PRDM11: variants seen among roughly 807,000 people sequenced by gnomAD.
PRDM11 encodes PR/SET domain 11.
A neutral mutation model predicts 97.8 loss-of-function variants in PRDM11; 20 were observed. The ratio of observed to expected loss-of-function variants is 0.20; its 90% CI spans 0.14 to 0.30. The LOEUF (loss-of-function observed/expected upper bound fraction) is 0.30. PRDM11 is among the 10% of genes least tolerant of loss of function. The pLI, the probability that PRDM11 is intolerant of heterozygous loss-of-function variation, is 1.00. For synonymous variants in PRDM11, 599 were observed against 637.7 expected (o/e 0.94, Z 0.91); for missense variants, 1,139 against 1,555.2 (o/e 0.73, Z 4.50).
chr11:45,218,599 A>G (rs1034641172), intron 5 of PRDM11, among the ~76,000 whole-genome samples: 1 of 152,198 alleles, frequency 6.6e-6, no homozygotes, highest in Non-Finnish European at 1.5e-5. Flanking sequence ...CAAATTTCCT[A>G]GGTGCTTGTG....
chr11:45,159,383 G>C (rs962523447), intron 1 of PRDM11, among the ~76,000 whole-genome samples: 1 of 152,234 alleles, frequency 6.6e-6, no homozygotes, highest in Admixed American at 6.5e-5. Flanking sequence ...TCTGAGGCGT[G>C]GGTGGGCCTC....
chr11:45,163,491 G>GC (rs1230681205), intron 1 of PRDM11, among the ~76,000 whole-genome samples: 3 of 151,754 alleles, frequency 2.0e-5, no homozygotes, highest in Non-Finnish European at 2.9e-5. Flanking sequence ...TTGAGGATGG[G>GC]GGGGGGTACC....
upstream of PRDM11, among the ~76,000 whole-genome samples, chr11:45,146,477 G>A (rs2096374128): frequency 6.6e-6 from 1 of 151,960 alleles, no homozygotes; most frequent in South Asian, 2.1e-4. Flanking sequence ...CTCCCTTTGG[G>A]TTTGGAGAGC....
intron 1 of PRDM11, among the ~76,000 whole-genome samples, chr11:45,105,101 G>T (rs1161312668): frequency 6.6e-6 from 1 of 152,190 alleles, no homozygotes; most frequent in Non-Finnish European, 1.5e-5. Context: ...TTGGTGTCTG[G>T]TGAAGACCCA....
chr11:45,163,293 T>G (rs1228964330), intron 1 of PRDM11, among the ~76,000 whole-genome samples: 1 of 152,246 alleles, frequency 6.6e-6, no homozygotes, highest in East Asian at 1.9e-4. Flanking sequence ...TACTGGGTGA[T>G]TTAAATGCAC....
chr11:45,216,799 A>T (rs1853969009), intron 5 of PRDM11, among the ~76,000 whole-genome samples: 1 of 152,252 alleles, frequency 6.6e-6, no homozygotes, highest in Non-Finnish European at 1.5e-5. Context: ...AAAGACCAGA[A>T]GATGGAAAGT....
rs953782475 is a variant in PRDM11 at position 45,165,539 on chromosome 11, C to T, written c.-6-16222C>T. 3.3e-5 allele frequency among the ~76,000 whole-genome samples: 5 copies of T among 152,342 alleles called. No homozygotes were observed. In the South Asian group the frequency reaches 1.0e-3, roughly 32 times the overall value. On this transcript the variant is annotated intron_variant, in intron 1 of 7. Coordinates refer to ENST00000683152, the MANE Select transcript of PRDM11 (RefSeq NM_001384648.1). ...AGATGCCCAGCCCAGGCGGGGGGCA[C>T]ATGTGAATGACACAGGCTGACTGGA... is the stretch of plus-strand genomic sequence containing the variant.
At chr11:45,123,151 G>A (rs1174933363) in intron 1 of PRDM11, among the ~76,000 whole-genome samples, 2 of 152,144 alleles carry the variant, frequency 1.3e-5, no homozygotes, top group Non-Finnish European at 2.9e-5. Context: ...CTTTTGAGAA[G>A]TGTCTGTTCA....
chr11:45,147,173 T>G (rs1453856354), intron 1 of PRDM11, among the ~76,000 whole-genome samples: 2 of 151,742 alleles, frequency 1.3e-5, no homozygotes, highest in African/African-American at 4.8e-5. Flanking sequence ...GCTCCTCGCC[T>G]TGTTACAATG....
intron 1 of PRDM11, among the ~76,000 whole-genome samples, chr11:45,158,316 TG>T (rs148168918): frequency 3.0e-4 from 45 of 152,284 alleles, no homozygotes; most frequent in African/African-American, 1.1e-3. Context: ...CTCTCCTGCC[TG>T]CCCCACCTCC....
intron 1 of PRDM11, among the ~76,000 whole-genome samples, chr11:45,122,143 A>G (rs1852443501): frequency 6.6e-6 from 1 of 151,742 alleles, no homozygotes; most frequent in African/African-American, 2.4e-5. Context: ...GCCTTTAAAT[A>G]AGTAAATAAA....
chr11:45,188,610 G>A (rs1852796771), intron 4 of PRDM11, among the ~76,000 whole-genome samples: 1 of 152,240 alleles, frequency 6.6e-6, no homozygotes, highest in Non-Finnish European at 1.5e-5. Context: ...GGTCATAATG[G>A]ACCGAATGGC....
intron 1 of PRDM11, among the ~76,000 whole-genome samples, chr11:45,103,957 A>G (rs1315018332): frequency 1.3e-5 from 2 of 152,112 alleles, no homozygotes; most frequent in Non-Finnish European, 2.9e-5. Flanking sequence ...GCACTTTCAA[A>G]TATAGCTGTG....
chr11:45,174,666 AG>A (rs1852285563), intron 1 of PRDM11, among the ~76,000 whole-genome samples: 1 of 152,350 alleles, frequency 6.6e-6, no homozygotes, highest in South Asian at 2.1e-4. Flanking sequence ...TCTAATGACA[AG>A]TGGGTAAAGG....
At chr11:45,100,635 A>G (rs1235068811) in intron 1 of PRDM11, among the ~76,000 whole-genome samples, 2 of 152,198 alleles carry the variant, frequency 1.3e-5, no homozygotes, top group African/African-American at 2.4e-5. Context: ...GTATGTTGAC[A>G]TCAGAGAGGT....
chr11:45,194,683 C>T (rs1324672159), intron 4 of PRDM11, among the ~76,000 whole-genome samples: 1 of 142,986 alleles, frequency 7.0e-6, no homozygotes, highest in Admixed American at 7.1e-5. Context: ...ACTGCAAGCT[C>T]CGCCTCCCGG....
At chr11:45,094,977 C>T (rs1851868288), upstream of PRDM11, among the ~76,000 whole-genome samples, 2 of 152,074 alleles carry the variant, frequency 1.3e-5, no homozygotes, top group Non-Finnish European at 2.9e-5. Flanking sequence ...AGGAGATAAA[C>T]AGAGTCTGGA....
chr11:45,111,916 C>T (rs933516849), intron 1 of PRDM11, among the ~76,000 whole-genome samples: 32 of 152,128 alleles, frequency 2.1e-4, no homozygotes, highest in Admixed American at 5.9e-4. Flanking sequence ...TGTCTAACAC[C>T]CAGACAACTT....
At chr11:45,196,619 T>G (rs2135776033) in intron 4 of PRDM11, among the ~76,000 whole-genome samples, 1 of 152,292 alleles carries the variant, frequency 6.6e-6, no homozygotes, top group Non-Finnish European at 1.5e-5. Flanking sequence ...GCTTCTCTAG[T>G]TCTTCCCCAA....
Sources: gnomAD v4.1 joint callset for allele counts (sites outside exome capture counted in the v4.1 genomes callset) on GRCh38, gnomAD v4.1.1 for gene constraint, MANE v1.5 for transcripts, NCBI Gene and HGNC (gene_info 2026-07-23, HGNC 2026-07-21) for gene names.